The following MAGEA4 variants were observed in gnomAD, a reference collection of about 807,000 sequenced individuals.
The protein encoded by MAGEA4 is melanoma-associated antigen 4.
Under a neutral mutation model 13.7 loss-of-function variants are expected in MAGEA4, and 1 was observed. The ratio of observed to expected loss-of-function variants is 0.07; its 90% CI spans 0.03 to 0.35. The LOEUF is 0.35. MAGEA4 is among the 10% of genes least tolerant of loss of function. The pLI is 0.99. For missense variants in MAGEA4, 312 were observed against 245.1 expected (o/e 1.27, Z -1.82); for synonymous variants, 132 against 101.1 (o/e 1.31, Z -1.83).
intron 1 of MAGEA4, among the ~76,000 whole-genome samples, chrX:151,923,207 C>G (rs1435741497): frequency 1.8e-5 from 2 of 112,154 alleles, no homozygotes; most frequent in East Asian, 5.7e-4. Context: ...GGATTCCTCT[C>G]CTAGGAGCTC....
chrX:151,923,919 T>A lies in MAGEA4; in HGVS notation c.255T>A (p.Asn85Lys), dbSNP rs763013442. Residue 85 changes from asparagine to lysine, a missense_variant, in exon 3 of 3, where the codon AAT becomes AAA. Asn to Lys is a moderately conservative substitution (Grantham distance 94). Coordinates refer to ENST00000276344, the MANE Select transcript of MAGEA4 (RefSeq NM_001011548.1). ...TISFTCWRQP[N>K]EGSSSQEEEG... ...GCTTCACTTGCTGGAGGCAACCCAA[T>A]GAGGGTTCCAGCAGCCAAGAAGAGG... is the stretch of plus-strand genomic sequence containing the variant. 146 of 1,209,355 alleles carry A rather than the reference T, an allele frequency of 1.2e-4. 1 individual carries two copies. The East Asian group carries it at 4.3e-3, about 35-fold the overall frequency.
intron 1 of MAGEA4, 134 bp from the exon 2 acceptor site, chrX:151,923,319 C>T (rs1336217621): frequency 5.5e-6 from 2 of 361,315 alleles, no homozygotes; most frequent in Non-Finnish European, 4.8e-6. Flanking sequence ...CCTGAATGCA[C>T]ACCAAGGGCC....
At position 151,923,703 on chromosome X, in the gene MAGEA4, G is replaced by A; in HGVS notation, c.39G>A (p.Glu13=). The A allele has an allele frequency of 8.3e-7, 1 of 1,211,326 alleles. No individual in the cohort carries two copies. Among genetic ancestry groups the A allele is most frequent in the Non-Finnish European group, 1.1e-6 (1 of 895,463 alleles). ...AGAAGAGTCAGCACTGCAAGCCTGA[G>A]GAAGGCGTTGAGGCCCAAGAAGAGG... ...SEQKSQHCKP[E]EGVEAQEEAL... is the part of the protein sequence containing the mutation. The change falls in exon 3 of 3, where the codon GAG becomes GAA. Residue 13 remains glutamate (E), a synonymous_variant. Transcript: ENST00000276344.
In MAGEA4 at chrX:151,924,354, G is replaced by C. The variant is rs141361139; in HGVS notation, c.690G>C (p.Gly230=). The part of the protein sequence containing the change: ...EEIWEELGVM[G]VYDGREHTVY... ...TCTGGGAGGAGCTGGGTGTGATGGG[G>C]GTGTATGATGGGAGGGAGCACACTG... The change falls in exon 3 of 3, where the codon GGG becomes GGC. Residue 230 remains glycine, a synonymous_variant. Transcript: ENST00000276344. 9.2e-5 allele frequency: 111 copies of C among 1,209,061 alleles called. No individual in the cohort carries two copies. The African/African-American group carries it at 1.7e-3, about 18-fold the overall frequency.
chrX:151,921,466 A>G (rs1237640239), intron 1 of MAGEA4, among the ~76,000 whole-genome samples: 1 of 112,135 alleles, frequency 8.9e-6, no homozygotes, highest in East Asian at 2.9e-4. Context: ...AGGCTAGGCC[A>G]TCCCAGCTCC....
At chrX:151,919,907 C>A (rs1002846415) in intron 1 of MAGEA4, among the ~76,000 whole-genome samples, 1 of 110,309 alleles carries the variant, frequency 9.1e-6, no homozygotes, top group Non-Finnish European at 1.9e-5. Context: ...GTGATCAGTG[C>A]AAGACTGGTG....
chrX:151,921,991 C>T (rs1188981177), intron 1 of MAGEA4, among the ~76,000 whole-genome samples: 1 of 111,736 alleles, frequency 8.9e-6, no homozygotes, highest in African/African-American at 3.3e-5. Context: ...TTCAGGGGGC[C>T]TTGCATTCCA....
Position 151,923,958 on chromosome X carries a change from C to T in MAGEA4, c.294C>T (p.Thr98=), listed in dbSNP as rs1409994913. Residue 98 remains threonine, a synonymous_variant, in exon 3 of 3, where the codon ACC becomes ACT. Coordinates refer to ENST00000276344, the MANE Select transcript of MAGEA4 (RefSeq NM_001011548.1). ...GCCAAGAAGAGGAGGGGCCAAGCAC[C>T]TCGCCTGACGCAGAGTCCTTGTTCC... The part of the protein sequence containing the change: ...SSSQEEEGPS[T]SPDAESLFRE... 8.3e-7 allele frequency: 1 copy of T among 1,210,043 alleles called. No individual in the cohort carries two copies. The highest frequency in any genetic ancestry group is 1.7e-5 in the African/African-American group (1 of 57,351).
chrX:151,919,264 A>T (rs1179067010), intron 1 of MAGEA4, among the ~76,000 whole-genome samples: 1 of 99,349 alleles, frequency 1.0e-5, no homozygotes, highest in Non-Finnish European at 2.0e-5. Flanking sequence ...CAACCTCAGG[A>T]CCCTAAGAGA....
At chrX:151,922,949 C>T (rs1274748753) in intron 1 of MAGEA4, among the ~76,000 whole-genome samples, 1 of 112,518 alleles carries the variant, frequency 8.9e-6, no homozygotes, top group Non-Finnish European at 1.9e-5. Flanking sequence ...AAGACCTAGG[C>T]ACAGGTGGCC....
intron 1 of MAGEA4, among the ~76,000 whole-genome samples, chrX:151,917,996 C>T (rs1005793796): frequency 2.5e-5 from 2 of 79,560 alleles, no homozygotes; most frequent in South Asian, 7.8e-4. Flanking sequence ...AACCCATCCC[C>T]GCCCCCATCC....
rs1324463477 is a variant in MAGEA4 at position 151,924,500 on chromosome X, T to A, written c.836T>A (p.Leu279Gln). 2 of 1,210,476 alleles carry A rather than the reference T, an allele frequency of 1.7e-6. No homozygotes were observed. The highest frequency in any genetic ancestry group is 2.2e-5 in the Admixed American group (1 of 45,866). ...GAGTTCCTGTGGGGTCCAAGGGCTC[T>A]GGCTGAAACCAGCTATGTGAAAGTC... Reference protein sequence around the residue: ...RYEFLWGPRALAETSYVKVLE... With the variant: ...RYEFLWGPRAQAETSYVKVLE... The change falls in exon 3 of 3, where the codon CTG becomes CAG. Residue 279 changes from leucine to glutamine, a missense_variant. Physicochemically the swap from Leu to Gln is moderately radical, Grantham distance 113 (BLOSUM62 -2). Coordinates refer to ENST00000276344, the MANE Select transcript of MAGEA4 (RefSeq NM_001011548.1).
At chrX:151,918,677 T>G (rs1464890433) in intron 1 of MAGEA4, among the ~76,000 whole-genome samples, 1 of 14,148 alleles carries the variant, frequency 7.1e-5, no homozygotes, top group African/African-American at 3.0e-4. Flanking sequence ...CCACGCCCCA[T>G]CCCCCACCAG....
Position 151,924,942 on chromosome X carries a change from G to A in MAGEA4, c.*324G>A. The A allele has an allele frequency of 5.2e-6, 1 of 193,037 alleles. No individual in the cohort carries two copies. The highest frequency in any genetic ancestry group is 1.0e-5 in the Non-Finnish European group (1 of 99,453). The allele number at this position is 193,037 out of a possible 1,213,427, so 15.9% of individuals were successfully genotyped here. ...AGAGTCTTGTTTTTTATTCAGATTG[G>A]GAAATCCGTTCTATTTTGTGAATTT... On this transcript the variant is annotated 3_prime_UTR_variant, in exon 3 of 3. Transcript: ENST00000276344.
rs763718576 is a variant in MAGEA4 at position 151,923,525 on chromosome X, G to A, written c.-66+1G>A. ...CAGAGGAGCACCAAGGAGAAGATCT[G>A]TAAGTAAGCCTTTGTTAGAGCCTCT... On this transcript the variant is annotated splice_donor_variant, in intron 2 of 2. Coordinates refer to ENST00000276344, the MANE Select transcript of MAGEA4 (RefSeq NM_001011548.1). LOFTEE classifies it low-confidence loss of function (5UTR_SPLICE). 6.6e-6 allele frequency: 8 copies of A among 1,207,743 alleles called. No homozygotes were observed. Among genetic ancestry groups the A allele is most frequent in the Non-Finnish European group, 8.9e-6 (8 of 894,146 alleles).
intron 1 of MAGEA4, among the ~76,000 whole-genome samples, chrX:151,921,232 A>T (rs1265490490): frequency 9.0e-6 from 1 of 111,707 alleles, no homozygotes; most frequent in East Asian, 2.8e-4. Flanking sequence ...ATCCAGGGAA[A>T]CCCCAGGCTT....
chrX:151,919,396 G>A (rs1240693837), intron 1 of MAGEA4, among the ~76,000 whole-genome samples: 2 of 82,053 alleles, frequency 2.4e-5, no homozygotes, highest in Admixed American at 1.4e-4. Flanking sequence ...CCTCAACCCC[G>A]CACCTCTCTC....
intron 1 of MAGEA4, among the ~76,000 whole-genome samples, chrX:151,921,933 G>A (rs1369015945): frequency 2.7e-5 from 3 of 111,588 alleles, no homozygotes; most frequent in African/African-American, 9.8e-5. Context: ...CAGCAGAGGG[G>A]TGGGTTCCAA....
chrX:151,913,792 C>T (rs1216936357), intron 1 of MAGEA4: 5 of 164,975 alleles, frequency 3.0e-5, no homozygotes, highest in Admixed American at 1.9e-4. Flanking sequence ...TGAGGGCAGG[C>T]TCTGCCAGGC....
Sources: gnomAD v4.1 joint callset for allele counts (sites outside exome capture counted in the v4.1 genomes callset) on GRCh38, gnomAD v4.1.1 for gene constraint, MANE v1.5 for transcripts, NCBI Gene and HGNC (gene_info 2026-07-23, HGNC 2026-07-21) for gene names.